The following SUGT1 variants were observed in gnomAD, a reference collection of about 807,000 sequenced individuals.
SUGT1 encodes protein SGT1 homolog.
Under a neutral mutation model 56.1 loss-of-function variants are expected in SUGT1, and 15 were observed. That is an observed-to-expected ratio of 0.27 (90% confidence interval 0.18 to 0.41). SUGT1 has a LOEUF of 0.41. SUGT1 is among the 10% of genes least tolerant of loss of function. SUGT1 has a pLI of 1.00. For missense variants in SUGT1, 347 were observed against 382.2 expected, an observed-to-expected ratio of 0.91 and a Z score of 0.77; for synonymous variants, 123 against 128.6, an observed-to-expected ratio of 0.96 and a Z score of 0.30.
rs1335378389 is a variant in SUGT1 at position 52,695,954 on chromosome 13, T to C, written c.*8119T>C. The stretch of plus-strand genomic sequence containing the variant: ...TCTTTTGCAACTCTGTTACTGACTT[T>C]TGTGGCATTGGATTGGGTTATTTGC... On this transcript the variant is annotated 3_prime_UTR_variant, in exon 13 of 13. Coordinates refer to ENST00000310528, the MANE Select transcript of SUGT1 (RefSeq NM_006704.5). The C allele has an allele frequency of 6.6e-6, 1 of 152,266 alleles. No individual in the cohort carries two copies. The highest frequency in any genetic ancestry group is 2.4e-5 in the African/African-American group (1 of 41,478). The allele number at this position is 152,266 out of a possible 1,614,324, so 9.4% of individuals were successfully genotyped here. A position where few individuals can be genotyped will look rare whatever the true frequency, so the allele number is the denominator to read the frequency against.
In SUGT1 at chr13:52,662,610, T is replaced by C. The variant is rs777998682; in HGVS notation, c.329-39T>C. 5 of 1,603,528 alleles carry C rather than the reference T, an allele frequency of 3.1e-6. No homozygotes were observed. The South Asian group carries it at 5.5e-5, about 18-fold the overall frequency. ...TAAGTATTTGTTGATTTATAGGTTG[T>C]GCAGATGAGTGATGTTATAGTCAGT... is the stretch of plus-strand genomic sequence containing the variant. On this transcript the variant is annotated intron_variant, in intron 5 of 12. Coordinates refer to ENST00000310528, the MANE Select transcript of SUGT1 (RefSeq NM_006704.5).
chr13:52,672,405 T>C (rs1021713152), intron 10 of SUGT1, among the ~76,000 whole-genome samples: 1 of 152,178 alleles, frequency 6.6e-6, no homozygotes, highest in East Asian at 1.9e-4. Flanking sequence ...TGAAATGAGC[T>C]GTTAGAAGTT....
chr13:52,682,550 G>A (rs2138170502), intron 12 of SUGT1, among the ~76,000 whole-genome samples: 1 of 152,326 alleles, frequency 6.6e-6, no homozygotes, highest in South Asian at 2.1e-4. Flanking sequence ...TATGTCAAGT[G>A]TGAGATTTAA....
chr13:52,687,171 A>C (rs1306694357), intron 12 of SUGT1: 2 of 151,628 alleles, frequency 1.3e-5, no homozygotes, highest in African/African-American at 4.8e-5. Flanking sequence ...AGTAGATGGT[A>C]AATAAATGAC....
At chr13:52,665,037 A>G (rs924557857) in intron 8 of SUGT1, among the ~76,000 whole-genome samples, 3 of 152,142 alleles carry the variant, frequency 2.0e-5, no homozygotes, top group African/African-American at 4.8e-5. Flanking sequence ...TAGTCTTTCC[A>G]TGTATCTTGA....
rs989084190 is a variant in SUGT1, at chr13:52,693,954, T to C, written c.*6119T>C. On this transcript the variant is annotated 3_prime_UTR_variant, in exon 13 of 13. Coordinates refer to ENST00000310528, the MANE Select transcript of SUGT1 (RefSeq NM_006704.5). The stretch of plus-strand genomic sequence containing the variant: ...TACATTTTTTATACATGTATACTTA[T>C]GATAAAGTTTATAAATTAGGCACAG... The C allele has an allele frequency of 1.8e-4, 28 of 152,212 alleles. No individual in the cohort carries two copies. The highest frequency in any genetic ancestry group is 6.3e-4 in the African/African-American group (26 of 41,462). The allele number at this position is 152,212 out of a possible 1,614,324, so 9.4% of individuals were successfully genotyped here.
At chr13:52,668,229 CT>C (rs1316902367) in intron 10 of SUGT1, among the ~76,000 whole-genome samples, 1 of 152,154 alleles carries the variant, frequency 6.6e-6, no homozygotes, top group Non-Finnish European at 1.5e-5. Flanking sequence ...ATCTGCCCAC[CT>C]TGGCCTCCCA....
rs779321861 is a variant in SUGT1 at position 52,676,273 on chromosome 13, A to G, written c.671A>G (p.Lys224Arg). 4 of 1,613,018 alleles carry G rather than the reference A, an allele frequency of 2.5e-6. No individual in the cohort carries two copies. The highest frequency in any genetic ancestry group is 3.4e-6 in the Non-Finnish European group (4 of 1,179,536). Residue 224 changes from lysine to arginine, a missense_variant, in exon 11 of 13, where the codon AAG (lysine) becomes AGG (arginine). Transcript: ENST00000310528. ...AAGCCAGAGGCTGTGAGATGGGAAAAGCTAGAGGGGCAAGGAGATGTGCCT... is the reference window on the plus strand; with the variant it reads ...AAGCCAGAGGCTGTGAGATGGGAAAGGCTAGAGGGGCAAGGAGATGTGCCT... ...LKKPEAVRWE[K>R]LEGQGDVPTP...
chr13:52,662,270 C>T (rs1407219644), intron 5 of SUGT1, among the ~76,000 whole-genome samples: 1 of 152,134 alleles, frequency 6.6e-6, no homozygotes, highest in African/African-American at 2.4e-5. Flanking sequence ...TCCCAGTTAC[C>T]AAGCCTCCTC....
rs1962673885 is a variant in SUGT1 at position 52,665,743 on chromosome 13, CTG to C, written c.519+11_519+12del. On this transcript the variant is annotated intron_variant, in intron 9 of 12. Coordinates refer to ENST00000310528, the MANE Select transcript of SUGT1 (RefSeq NM_006704.5). ...ATTTTCAGAAAAAGAGGTCAGTAGACTGAATCATTTTTCAATGTTGATTACTA... is the reference window on the plus strand; with the variant it reads ...ATTTTCAGAAAAAGAGGTCAGTAGACAATCATTTTTCAATGTTGATTACTA... The C allele has an allele frequency of 6.4e-7, 1 of 1,562,662 alleles. No homozygotes were observed. The highest frequency in any genetic ancestry group is 8.7e-7 in the Non-Finnish European group (1 of 1,153,228).
chr13:52,686,944 G>A (rs1213952648), intron 12 of SUGT1, among the ~76,000 whole-genome samples: 6 of 151,854 alleles, frequency 4.0e-5, no homozygotes, highest in African/African-American at 1.4e-4. Context: ...GGTGGTGCAT[G>A]CCTGTAATCC....
Position 52,657,540 on chromosome 13 carries a change from T to G in SUGT1, c.105T>G (p.Thr35=), listed in dbSNP as rs1459006987. The G allele has an allele frequency of 5.6e-6, 9 of 1,613,658 alleles. No individual in the cohort carries two copies. Among genetic ancestry groups the G allele is most frequent in the Non-Finnish European group, 6.8e-6 (8 of 1,179,768 alleles). The change falls in exon 3 of 13, where the codon ACT becomes ACG. Residue 35 remains threonine (T), a synonymous_variant. Transcript: ENST00000310528. ...CATGTTTGTTTTTGTAGGAGCTGAC[T>G]AAGGCTTTGGAACAGAAACCAGATG... is the stretch of plus-strand genomic sequence containing the variant. ...EDPQAALEEL[T]KALEQKPDDA...
intron 10 of SUGT1, among the ~76,000 whole-genome samples, chr13:52,675,549 C>T (rs1264130770): frequency 6.6e-6 from 1 of 152,104 alleles, no homozygotes; most frequent in Non-Finnish European, 1.5e-5. Context: ...TGCACTCCAG[C>T]CTGGGAGACA....
intron 12 of SUGT1, among the ~76,000 whole-genome samples, chr13:52,682,796 C>T (rs1963428076): frequency 6.6e-6 from 1 of 152,168 alleles, no homozygotes; most frequent in South Asian, 2.1e-4. Context: ...CAGACTCATT[C>T]CTCCTACTTT....
At chr13:52,678,959 G>C (rs747667024) in intron 11 of SUGT1, among the ~76,000 whole-genome samples, 1 of 152,004 alleles carries the variant, frequency 6.6e-6, no homozygotes, top group African/African-American at 2.4e-5. Flanking sequence ...TGGGATTATA[G>C]GTGTGAGCCC....
intron 5 of SUGT1, chr13:52,661,675 TTG>T: frequency 3.0e-6 from 1 of 332,614 alleles, no homozygotes; most frequent in South Asian, 2.2e-5. Context: ...TTTCCCCTCT[TTG>T]TGTGATAAAT....
intron 10 of SUGT1, among the ~76,000 whole-genome samples, chr13:52,673,214 A>G (rs1233506847): frequency 3.3e-5 from 5 of 150,376 alleles, no homozygotes; most frequent in Non-Finnish European, 7.4e-5. Context: ...AAAGGATTTC[A>G]TAGGACATTA....
chr13:52,661,176 C>G (rs960250661), intron 5 of SUGT1, among the ~76,000 whole-genome samples: 2 of 152,060 alleles, frequency 1.3e-5, no homozygotes, highest in African/African-American at 4.8e-5. Context: ...TTAGTTATTT[C>G]AGAGGTGGCC....
intron 6 of SUGT1, 24 bp downstream of exon 6, chr13:52,662,726 T>G (rs757723644): frequency 6.3e-7 from 1 of 1,592,350 alleles, no homozygotes. Flanking sequence ...CCTTGGTATT[T>G]GTTTCAATTT....
Sources: gnomAD v4.1 joint callset for allele counts (sites outside exome capture counted in the v4.1 genomes callset) on GRCh38, gnomAD v4.1.1 for gene constraint, MANE v1.5 for transcripts, NCBI Gene and HGNC (gene_info 2026-07-23, HGNC 2026-07-21) for gene names.